The following AGAP1 variants were observed in gnomAD, a reference collection of about 807,000 sequenced individuals.
AGAP1 encodes ArfGAP with GTPase domain, ankyrin repeat and PH domain 1.
In AGAP1, 29 loss-of-function variants were observed where a neutral mutation model predicts 105.3. The ratio of observed to expected loss-of-function variants is 0.28; its 90% CI spans 0.21 to 0.38. The LOEUF (loss-of-function observed/expected upper bound fraction) is 0.38. Ranked by LOEUF, AGAP1 falls within the 10% of genes least tolerant of loss-of-function variation. AGAP1 has a pLI of 1.00. For missense variants in AGAP1, 998 were observed against 1,165.1 expected, an observed-to-expected ratio of 0.86 and a Z score of 2.09; for synonymous variants, 509 against 485.9, an observed-to-expected ratio of 1.05 and a Z score of -0.63.
rs992108060 is a variant in AGAP1, at chr2:236,120,389, C to A, written c.2312C>A (p.Thr771Lys). ...NETCGEGDGRTALHLACRKGN... is the reference protein window; with the variant it reads ...NETCGEGDGRKALHLACRKGN... ...ACCTGCGGGGAGGGAGACGGCCGCA[C>A]GGCGCTGCATCTGGCCTGCCGCAAG... The change falls in exon 17 of 18, where the codon ACG (threonine) becomes AAG (lysine). Residue 771 changes from threonine to lysine, a missense_variant. This residue lies in a region of AGAP1 where 235 missense variants were observed against 270.7 expected (regional missense o/e 0.87). Coordinates refer to ENST00000304032, the MANE Select transcript of AGAP1 (RefSeq NM_001037131.3). This position sits in a 1 kb window ranked among gnomAD's most constrained non-coding sequence, Gnocchi z 6.0. 6.2e-7 allele frequency: 1 copy of A among 1,611,374 alleles called. No homozygotes were observed. The highest frequency in any genetic ancestry group is 8.5e-7 in the Non-Finnish European group (1 of 1,179,778).
In AGAP1 at chr2:236,045,921, C is replaced by G. The variant is rs2125698676; in HGVS notation, c.1892-3138C>G. On this transcript the variant is annotated intron_variant, in intron 15 of 17. Coordinates refer to ENST00000304032, the MANE Select transcript of AGAP1 (RefSeq NM_001037131.3). The surrounding 1 kb of genome is among the most constrained non-coding windows in gnomAD (Gnocchi z 6.9). ...CCCTGGAACACTGTGCCCCCGCCCCCTGCAACATTTTGGGTTTCAGAGAAT... is the reference window on the plus strand; with the variant it reads ...CCCTGGAACACTGTGCCCCCGCCCCGTGCAACATTTTGGGTTTCAGAGAAT... 2.1e-6 allele frequency: 1 copy of G among 471,242 alleles called. No homozygotes were observed. The highest frequency in any genetic ancestry group is 2.3e-5 in the Admixed American group (1 of 42,586). The allele number at this position is 471,242 out of a possible 1,614,324, so 29.2% of individuals were successfully genotyped here.
Position 235,882,418 on chromosome 2 carries a change from TCTC to T in AGAP1, c.1051-924_1051-922del, listed in dbSNP as rs2050072647. 18 of 1,584,304 alleles carry T rather than the reference TCTC, an allele frequency of 1.1e-5. No homozygotes were observed. The highest frequency in any genetic ancestry group is 1.5e-5 in the Non-Finnish European group (17 of 1,156,714). ...GTCTCTTTGGTCGGCAGGGTGTTCT[TCTC>T]CTGCGTCTCCGTTTTCTTCAGCTTG... On this transcript the variant is annotated intron_variant, in intron 9 of 17. Coordinates refer to ENST00000304032, the MANE Select transcript of AGAP1 (RefSeq NM_001037131.3). The surrounding 1 kb of genome is among the most constrained non-coding windows in gnomAD (Gnocchi z 4.6).
At chr2:236,018,539 T>A (rs2056785187) in intron 13 of AGAP1, among the ~76,000 whole-genome samples, 1 of 152,342 alleles carries the variant, frequency 6.6e-6, no homozygotes, top group South Asian at 2.1e-4. Flanking sequence ...GGTGAACACA[T>A]GGGCTCTTTC....
intron 7 of AGAP1, among the ~76,000 whole-genome samples, chr2:235,798,272 A>G (rs981999724): frequency 1.3e-5 from 2 of 152,180 alleles, no homozygotes; most frequent in African/African-American, 4.8e-5. Context: ...AGTGGCATTC[A>G]ATTATAATTA....
chr2:235,818,583 C>T (rs993051858), intron 9 of AGAP1, among the ~76,000 whole-genome samples: 3 of 152,216 alleles, frequency 2.0e-5, no homozygotes, highest in Admixed American at 6.5e-5. Context: ...GCTGGGATTA[C>T]AGGCATGGGC....
At chr2:235,661,316 G>C (rs2149339630) in intron 1 of AGAP1, among the ~76,000 whole-genome samples, 1 of 152,284 alleles carries the variant, frequency 6.6e-6, no homozygotes, top group South Asian at 2.1e-4. Context: ...ACGTAATCGA[G>C]TGTTTTCCTC....
chr2:235,853,088 G>C, intron 9 of AGAP1: 3 of 1,231,570 alleles, frequency 2.4e-6, no homozygotes, highest in Non-Finnish European at 3.0e-6. Flanking sequence ...ATCAATGAGC[G>C]TTTACGCTCT....
At position 236,123,536 on chromosome 2, in the gene AGAP1, A is replaced by AT. The variant is rs1163185906; in HGVS notation, c.2371-375dup. On this transcript the variant is annotated intron_variant, in intron 17 of 17. Coordinates refer to ENST00000304032, the MANE Select transcript of AGAP1 (RefSeq NM_001037131.3). This position sits in a 1 kb window ranked among gnomAD's most constrained non-coding sequence, Gnocchi z 4.6. The stretch of plus-strand genomic sequence containing the variant: ...TCTCTAAGTAGTAAGATTATGGGTG[A>AT]TTTTTTTTCTTCTTGAGCTGTTATG... Among the ~76,000 whole-genome samples, 1 of 152,068 alleles carries AT rather than the reference A, an allele frequency of 6.6e-6. No homozygotes were observed. The highest frequency in any genetic ancestry group is 1.5e-5 in the Non-Finnish European group (1 of 68,002).
intron 11 of AGAP1, among the ~76,000 whole-genome samples, chr2:235,926,802 C>T (rs1195822734): frequency 6.6e-6 from 1 of 152,104 alleles, no homozygotes; most frequent in Non-Finnish European, 1.5e-5. Context: ...TGTGGGGAGG[C>T]AGGTGTGAGC....
chr2:235,613,517 A>G (rs7607661), intron 1 of AGAP1, among the ~76,000 whole-genome samples: 33,123 of 152,124 alleles, frequency 0.22, 4,023 homozygotes, highest in Middle Eastern at 0.29. Flanking sequence ...TCAGAAACCA[A>G]CAGAACTCTT....
rs1008428309 is a variant in AGAP1, at chr2:235,728,874, A to G, written c.310+11230A>G. ...GGAGTAGGTTTAGGTTGGATGAAGA[A>G]GGGAGGTTTGGAGCCTGGACGAGAG... On this transcript the variant is annotated intron_variant, in intron 3 of 17. Transcript: ENST00000304032. The surrounding 1 kb of genome is among the most constrained non-coding windows in gnomAD (Gnocchi z 4.3). 1.3e-5 allele frequency among the ~76,000 whole-genome samples: 2 copies of G among 152,158 alleles called. No individual in the cohort carries two copies. Among genetic ancestry groups the G allele is most frequent in the African/African-American group, 4.8e-5 (2 of 41,436 alleles).
At position 235,739,829 on chromosome 2, in the gene AGAP1, A is replaced by G. The variant is rs1952469786; in HGVS notation, c.311-1134A>G. On this transcript the variant is annotated intron_variant, in intron 3 of 17. Transcript: ENST00000304032. This position sits in a 1 kb window ranked among gnomAD's most constrained non-coding sequence, Gnocchi z 5.3. Reference sequence around the variant, plus strand: ...TCAGGCACTGATGTGGTTCAGACCCAGGATTCTAGGAGGGAAGGTTCCCGT... The same window carrying G: ...TCAGGCACTGATGTGGTTCAGACCCGGGATTCTAGGAGGGAAGGTTCCCGT... 6.6e-6 allele frequency among the ~76,000 whole-genome samples: 1 copy of G among 152,180 alleles called. No individual in the cohort carries two copies. The highest frequency in any genetic ancestry group is 2.1e-4 in the South Asian group (1 of 4,832).
rs1179361623 is a variant in AGAP1, at chr2:235,517,439, C to T, written c.163+22590C>T. On this transcript the variant is annotated intron_variant, in intron 1 of 17. Transcript: ENST00000304032. This position sits in a 1 kb window ranked among gnomAD's most constrained non-coding sequence, Gnocchi z 4.1. ...CACTTAACCCAGAGCAGGGCTTTGA[C>T]GACATAGCTGTGCCCAACGTAGATC... is the stretch of plus-strand genomic sequence containing the variant. Among the ~76,000 whole-genome samples, 4 of 152,062 alleles carry T rather than the reference C, an allele frequency of 2.6e-5. No individual in the cohort carries two copies. The highest frequency in any genetic ancestry group is 4.8e-5 in the African/African-American group (2 of 41,392).
chr2:236,034,794 G>A (rs1436443770), intron 13 of AGAP1, among the ~76,000 whole-genome samples: 1 of 152,204 alleles, frequency 6.6e-6, no homozygotes, highest in African/African-American at 2.4e-5. Flanking sequence ...GCAGCCCCCA[G>A]AATATGCCCA....
chr2:235,538,593 C>T (rs897257897), intron 1 of AGAP1, among the ~76,000 whole-genome samples: 1 of 152,022 alleles, frequency 6.6e-6, no homozygotes, highest in Admixed American at 6.6e-5. Flanking sequence ...AGGCATGGAG[C>T]AAATTATCAC....
At position 236,104,824 on chromosome 2, in the gene AGAP1, G is replaced by A. The variant is rs376641021; in HGVS notation, c.2115-15368G>A. ...AGGAGAATCGCTTGAACCGGGACCC[G>A]GGAGGCGGAGGTAGCAGTGAGCCCA... On this transcript the variant is annotated intron_variant, in intron 16 of 17. Coordinates refer to ENST00000304032, the MANE Select transcript of AGAP1 (RefSeq NM_001037131.3). This position sits in a 1 kb window ranked among gnomAD's most constrained non-coding sequence, Gnocchi z 4.7. 5.9e-5 allele frequency among the ~76,000 whole-genome samples: 9 copies of A among 152,200 alleles called. No homozygotes were observed. In the East Asian group the frequency reaches 7.8e-4, roughly 13 times the overall value.
In AGAP1 at chr2:235,783,975, C is replaced by T. The variant is rs73996381; in HGVS notation, c.674-13784C>T. On this transcript the variant is annotated intron_variant, in intron 6 of 17. Coordinates refer to ENST00000304032, the MANE Select transcript of AGAP1 (RefSeq NM_001037131.3). ...TCAGAAAATGAAATGGACGGACGGA[C>T]GGACGGATGGACGGACGGATGGATG... Among the ~76,000 whole-genome samples, 5 of 130,360 alleles carry T rather than the reference C, an allele frequency of 3.8e-5. No homozygotes were observed. In the East Asian group the frequency reaches 8.8e-4, roughly 23 times the overall value. The allele number at this position is 130,360 out of a possible 152,430, so 85.5% of individuals were successfully genotyped here. A position where few individuals can be genotyped will look rare whatever the true frequency, so the allele number is the denominator to read the frequency against.
In AGAP1 at chr2:235,614,332, C is replaced by T. The variant is rs1946238131; in HGVS notation, c.164-94847C>T. ...AGTGGGATCCGGAAAGGGCTGCTGG[C>T]GAGTGGGAGTTTTCTAGGGAGCCGC... On this transcript the variant is annotated intron_variant, in intron 1 of 17. Coordinates refer to ENST00000304032, the MANE Select transcript of AGAP1 (RefSeq NM_001037131.3). The surrounding 1 kb of genome is among the most constrained non-coding windows in gnomAD (Gnocchi z 4.7). 2.0e-5 allele frequency among the ~76,000 whole-genome samples: 3 copies of T among 152,148 alleles called. No homozygotes were observed. The highest frequency in any genetic ancestry group is 2.9e-5 in the Non-Finnish European group (2 of 68,006).
At position 235,725,063 on chromosome 2, in the gene AGAP1, T is replaced by G. The variant is rs1326982544; in HGVS notation, c.310+7419T>G. Among the ~76,000 whole-genome samples the G allele has an allele frequency of 6.6e-6, 1 of 152,160 alleles. No homozygotes were observed. The stretch of plus-strand genomic sequence containing the variant: ...CTGAGGCTGAAGGGTTCTGGGATTT[T>G]CCACTGTGTGTTTGGTTTCTGTTGC... On this transcript the variant is annotated intron_variant, in intron 3 of 17. Transcript: ENST00000304032. This position sits in a 1 kb window ranked among gnomAD's most constrained non-coding sequence, Gnocchi z 5.7.
Sources: allele counts gnomAD v4.1 joint callset (sites outside exome capture counted in the v4.1 genomes callset), GRCh38; gene constraint gnomAD v4.1.1; regional missense constraint gnomAD v4.1.1; non-coding constraint Gnocchi (gnomAD v3.1); transcripts MANE v1.5; gene names NCBI Gene and HGNC (gene_info 2026-07-23, HGNC 2026-07-21).